The following IRF9 variants were observed in gnomAD, a reference collection of about 807,000 sequenced individuals.
IRF9 encodes IFN-alpha-responsive transcription factor subunit.
IRF9 carries 13 observed loss-of-function variants against 44.1 expected under a neutral mutation model. The observed-to-expected ratio is 0.29, with a 90% CI of 0.19 to 0.47. The LOEUF (loss-of-function observed/expected upper bound fraction) is 0.47, where lower values mean the gene tolerates loss of function less well. IRF9 is among the 20% of genes least tolerant of loss of function. The pLI, the probability that IRF9 is intolerant of heterozygous loss-of-function variation, is 1.00. For missense variants in IRF9, 373 were observed against 496.1 expected, an observed-to-expected ratio of 0.75 and a Z score of 2.36; for synonymous variants, 189 against 188.5, an observed-to-expected ratio of 1.00 and a Z score of -0.02.
chr14:24,165,684 T>G, intron 7 of IRF9, 163 bp from the exon 8 acceptor site: 1 of 598,562 alleles, frequency 1.7e-6, no homozygotes, highest in South Asian at 2.0e-5. Context: ...TATTTGCACA[T>G]GGGTGAGTAG....
chr14:24,162,358 T>C (rs2038469182), intron 2 of IRF9, 34 bp downstream of exon 2: 2 of 1,598,514 alleles, frequency 1.3e-6, no homozygotes. Context: ...TTCCTCTGTG[T>C]GTGGGATGGT....
At chr14:24,165,599 C>A in intron 7 of IRF9, 1 of 558,482 alleles carries the variant, frequency 1.8e-6, no homozygotes, top group Non-Finnish European at 3.2e-6. Flanking sequence ...CTAAACTCTC[C>A]CAGCAGAGAG....
chr14:24,163,318 C>A, intron 3 of IRF9, 60 bp from the exon 4 acceptor site: 1 of 1,587,250 alleles, frequency 6.3e-7, no homozygotes. Flanking sequence ...CAGACCTCTC[C>A]TTCACCCTCT....
chr14:24,163,545 C>T (rs1178313079), intron 4 of IRF9, 37 bp downstream of exon 4: 2 of 1,603,016 alleles, frequency 1.2e-6, no homozygotes, highest in Non-Finnish European at 8.5e-7. Context: ...GGCCTAAGGG[C>T]AGGACAGTAA....
In IRF9 at chr14:24,165,315, A is replaced by G. The variant is rs982839239; in HGVS notation, c.991+360A>G. On this transcript the variant is annotated intron_variant, in intron 7 of 8. Coordinates refer to ENST00000396864, the MANE Select transcript of IRF9 (RefSeq NM_006084.5). ...TCATGGCCTTCTCCTACGTACACACATTTGGGAGAGCTGGCACACATCACA... is the reference window on the plus strand; with the variant it reads ...TCATGGCCTTCTCCTACGTACACACGTTTGGGAGAGCTGGCACACATCACA... The G allele has an allele frequency of 4.6e-6, 3 of 655,520 alleles. No individual in the cohort carries two copies. The African/African-American group carries it at 5.3e-5, about 12-fold the overall frequency. 40.6% of individuals were successfully genotyped at this position (655,520 alleles called of 1,614,324 possible).
rs768675496 is a variant in IRF9 at position 24,163,145 on chromosome 14, C to T, written c.360C>T (p.Val120=). Residue 120 remains valine (V), a synonymous_variant, in exon 3 of 9, where the codon GTC becomes GTT. Coordinates refer to ENST00000396864, the MANE Select transcript of IRF9 (RefSeq NM_006084.5). ...ATCAGTTGCTGCCACCAGGAATCGT[C>T]TCTGGTGAGTTTCCCCTTGTCCAAC... ...KVYQLLPPGI[V]SGQPGTQKVP... is the part of the protein sequence containing the mutation. 2 of 1,613,728 alleles carry T rather than the reference C, an allele frequency of 1.2e-6. No individual in the cohort carries two copies. Among genetic ancestry groups the T allele is most frequent in the Non-Finnish European group, 1.7e-6 (2 of 1,179,834 alleles).
chr14:24,163,650 C>T, intron 4 of IRF9, 142 bp downstream of exon 4: 1 of 1,013,920 alleles, frequency 9.9e-7, no homozygotes, highest in Non-Finnish European at 1.5e-6. Context: ...CAGCCTCGAC[C>T]AACATGGTGA....
rs1157264870 is a variant in IRF9 at position 24,163,416 on chromosome 14, C to T, written c.403C>T (p.His135Tyr). The change falls in exon 4 of 9, where the codon CAC becomes TAC. Residue 135 changes from histidine (H) to tyrosine (Y), a missense_variant. His to Tyr is a moderately conservative substitution (Grantham distance 83, BLOSUM62 2). Coordinates refer to ENST00000396864, the MANE Select transcript of IRF9 (RefSeq NM_006084.5). The part of the protein sequence containing the change: ...GTQKVPSKRQ[H>Y]SSVSSERKEE... ...TCAGAAAGTACCATCAAAGCGACAGCACAGTTCTGTGTCCTCTGAGAGGAA... is the reference window on the plus strand; with the variant it reads ...TCAGAAAGTACCATCAAAGCGACAGTACAGTTCTGTGTCCTCTGAGAGGAA... The T allele has an allele frequency of 1.9e-6, 3 of 1,614,140 alleles. No individual in the cohort carries two copies. Among genetic ancestry groups the T allele is most frequent in the African/African-American group, 1.3e-5 (1 of 75,048 alleles).
chr14:24,164,849 C>G lies in IRF9; in HGVS notation c.885C>G (p.Pro295=). The part of the protein sequence containing the change: ...PRGLFVQRLC[P]IPISWNAPQA... ...GCCTCTTCGTGCAGCGCCTTTGCCC[C>G]ATCCCCATCTCCTGGAATGCACCCC... The change falls in exon 7 of 9, where the codon CCC becomes CCG. Residue 295 remains proline (P), a synonymous_variant. Coordinates refer to ENST00000396864, the MANE Select transcript of IRF9 (RefSeq NM_006084.5). This position sits in a 1 kb window ranked among gnomAD's most constrained non-coding sequence, Gnocchi z 5.2. 1 of 1,610,816 alleles carries G rather than the reference C, an allele frequency of 6.2e-7. No homozygotes were observed. The highest frequency in any genetic ancestry group is 8.5e-7 in the Non-Finnish European group (1 of 1,179,980).
chr14:24,166,258 T>A lies in IRF9; in HGVS notation c.*62T>A. 7.3e-7 allele frequency: 1 copy of A among 1,371,852 alleles called. No individual in the cohort carries two copies. 85.0% of individuals were successfully genotyped at this position (1,371,852 alleles called of 1,614,324 possible). A position where few individuals can be genotyped will look rare whatever the true frequency, so the allele number is the denominator to read the frequency against. On this transcript the variant is annotated 3_prime_UTR_variant, in exon 9 of 9. Coordinates refer to ENST00000396864, the MANE Select transcript of IRF9 (RefSeq NM_006084.5). Reference sequence around the variant, plus strand: ...TCTTCCTGTCTCCTTTGAAGTAGACTCATTCTTCACACGATTGACCTGTCC... The same window carrying A: ...TCTTCCTGTCTCCTTTGAAGTAGACACATTCTTCACACGATTGACCTGTCC...
rs1180891325 is a variant in IRF9 at position 24,162,948 on chromosome 14, C to G, written c.181-18C>G. The stretch of plus-strand genomic sequence containing the variant: ...GCCTGTAACACACTGCCTCTTCTTC[C>G]CTTGCTTTCTTTCCTAGGCCTGGGC... On this transcript the variant is annotated intron_variant, in intron 2 of 8. Coordinates refer to ENST00000396864, the MANE Select transcript of IRF9 (RefSeq NM_006084.5). The G allele has an allele frequency of 6.2e-7, 1 of 1,609,908 alleles. No individual in the cohort carries two copies. Among genetic ancestry groups the G allele is most frequent in the Middle Eastern group, 1.8e-4 (1 of 5,448 alleles).
chr14:24,163,223 C>G, intron 3 of IRF9, 74 bp downstream of exon 3: 1 of 1,572,876 alleles, frequency 6.4e-7, no homozygotes, highest in Non-Finnish European at 8.7e-7. Flanking sequence ...AGGCTTCCCC[C>G]AGGCTTATAG....
Position 24,164,254 on chromosome 14 carries a change from C to CTG in IRF9, c.649+120_649+121insTG. 1 of 875,070 alleles carries CTG rather than the reference C, an allele frequency of 1.1e-6. No individual in the cohort carries two copies. Among genetic ancestry groups the CTG allele is most frequent in the Non-Finnish European group, 1.8e-6 (1 of 544,306 alleles). 54.2% of individuals were successfully genotyped at this position (875,070 alleles called of 1,614,324 possible). A position where few individuals can be genotyped will look rare whatever the true frequency, so the allele number is the denominator to read the frequency against. On this transcript the variant is annotated intron_variant, in intron 6 of 8. Transcript: ENST00000396864. The surrounding 1 kb of genome is among the most constrained non-coding windows in gnomAD (Gnocchi z 5.2). ...GCAAACTGTACCCACATTACCATAG[C>CTG]CCTAGGCAGTGGTTTCTAGGTGGCG...
Position 24,164,161 on chromosome 14 carries a change from G to C in IRF9, c.649+27G>C, listed in dbSNP as rs771432983. 7.5e-6 allele frequency: 12 copies of C among 1,595,994 alleles called. No homozygotes were observed. The highest frequency in any genetic ancestry group is 9.5e-6 in the Non-Finnish European group (11 of 1,163,818). ...TACGTGGCATTTCTGACTTTCTCCT[G>C]TGCCCTGTGCCCCTGAGGTCTTCCA... On this transcript the variant is annotated intron_variant, in intron 6 of 8. Transcript: ENST00000396864. This position sits in a 1 kb window ranked among gnomAD's most constrained non-coding sequence, Gnocchi z 5.2.
At chr14:24,165,651 T>G in intron 7 of IRF9, 196 bp from the exon 8 acceptor site, 1 of 586,880 alleles carries the variant, frequency 1.7e-6, no homozygotes, top group Non-Finnish European at 3.0e-6. Flanking sequence ...TAAGCACTTA[T>G]ATGAGGCAGG....
chr14:24,162,939 C>T, intron 2 of IRF9, 27 bp from the exon 3 acceptor site: 1 of 1,603,162 alleles, frequency 6.2e-7, no homozygotes, highest in Admixed American at 1.7e-5. Flanking sequence ...AACACACTGC[C>T]TCTTCTTCCC....
At position 24,164,596 on chromosome 14, in the gene IRF9, G is replaced by A; in HGVS notation, c.650-18G>A. On this transcript the variant is annotated intron_variant, in intron 6 of 8. Coordinates refer to ENST00000396864, the MANE Select transcript of IRF9 (RefSeq NM_006084.5). This position sits in a 1 kb window ranked among gnomAD's most constrained non-coding sequence, Gnocchi z 5.2. Reference sequence around the variant, plus strand: ...CTGCATGCTCCTCCAGCACCAGGTAGGGCTGTTCTATCCCCAGACTACTCA... The same window carrying A: ...CTGCATGCTCCTCCAGCACCAGGTAAGGCTGTTCTATCCCCAGACTACTCA... 3 of 1,567,760 alleles carry A rather than the reference G, an allele frequency of 1.9e-6. No homozygotes were observed. Among genetic ancestry groups the A allele is most frequent in the Non-Finnish European group, 2.6e-6 (3 of 1,150,394 alleles).
In IRF9 at chr14:24,164,587, C is replaced by T; in HGVS notation, c.650-27C>T. On this transcript the variant is annotated intron_variant, in intron 6 of 8. Transcript: ENST00000396864. This position sits in a 1 kb window ranked among gnomAD's most constrained non-coding sequence, Gnocchi z 5.2. ...GCTGCCAGCCTGCATGCTCCTCCAGCACCAGGTAGGGCTGTTCTATCCCCA... is the reference window on the plus strand; with the variant it reads ...GCTGCCAGCCTGCATGCTCCTCCAGTACCAGGTAGGGCTGTTCTATCCCCA... The T allele has an allele frequency of 6.5e-7, 1 of 1,546,946 alleles. No individual in the cohort carries two copies.
chr14:24,162,519 T>C (rs1453073271), intron 2 of IRF9, 195 bp downstream of exon 2: 3 of 587,824 alleles, frequency 5.1e-6, no homozygotes, highest in Non-Finnish European at 8.6e-6. Flanking sequence ...TTAGGGATAT[T>C]GGCCAGGCAC....
Sources: gnomAD v4.1 joint callset for allele counts on GRCh38, gnomAD v4.1.1 for gene constraint, Gnocchi (gnomAD v3.1) non-coding constraint, MANE v1.5 for transcripts, NCBI Gene and HGNC (gene_info 2026-07-23, HGNC 2026-07-21) for gene names.